Variants in RBM19 observed in about 807,000 individuals in gnomAD.
RBM19 encodes RNA binding motif protein 19.
Under a neutral mutation model 116.8 loss-of-function variants are expected in RBM19, and 94 were observed. The ratio of observed to expected loss-of-function variants is 0.80; its 90% CI spans 0.68 to 0.95. The LOEUF is 0.95. RBM19 is among the 40% of genes least tolerant of loss of function. The pLI, the probability that RBM19 is intolerant of heterozygous loss-of-function variation, is 0.00. For synonymous variants in RBM19, 475 were observed against 494.1 expected, an observed-to-expected ratio of 0.96 and a Z score of 0.51; for missense variants, 1,161 against 1,220.7, an observed-to-expected ratio of 0.95 and a Z score of 0.73.
intron 4 of RBM19, 138 bp from the exon 5 acceptor site, chr12:113,959,542 G>A (rs12422364): frequency 0.031 from 32,330 of 1,046,166 alleles, 1,389 homozygotes; most frequent in Admixed American, 0.18. Flanking sequence ...CCCATTCTCT[G>A]GAGGACCCCG....
chr12:113,824,610 G>A (rs1230024759), intron 23 of RBM19, among the ~76,000 whole-genome samples: 1 of 151,882 alleles, frequency 6.6e-6, no homozygotes, highest in Non-Finnish European at 1.5e-5. Context: ...CGCAGGCTGT[G>A]AGCTCCCTGG....
intron 21 of RBM19, among the ~76,000 whole-genome samples, chr12:113,875,168 T>C (rs1053215609): frequency 7.9e-5 from 12 of 152,194 alleles, no homozygotes; most frequent in African/African-American, 2.7e-4. Context: ...GAGCGAGTGA[T>C]TCATGCCGCA....
At chr12:113,916,970 C>G (rs1167580908) in intron 20 of RBM19, among the ~76,000 whole-genome samples, 1 of 152,248 alleles carries the variant, frequency 6.6e-6, no homozygotes, top group Non-Finnish European at 1.5e-5. Context: ...AAAACAGTTG[C>G]ACTTGCCATA....
Position 113,940,165 on chromosome 12 carries a change from A to G in RBM19, c.1738-5T>C. 3 of 1,611,490 alleles carry G rather than the reference A, an allele frequency of 1.9e-6. No homozygotes were observed. Among genetic ancestry groups the G allele is most frequent in the Non-Finnish European group, 2.5e-6 (3 of 1,178,316 alleles). ...CTTGCTTCGCTCTGCTGCAGCCTGC[A>G]AAGAGGAAATGCACACACATGGGAC... On this transcript the variant is annotated splice_polypyrimidine_tract_variant and splice_region_variant and intron_variant, in intron 14 of 23. Transcript: ENST00000261741.
At chr12:113,896,949 C>A (rs1213322591) in intron 21 of RBM19, among the ~76,000 whole-genome samples, 1 of 152,188 alleles carries the variant, frequency 6.6e-6, no homozygotes, top group Non-Finnish European at 1.5e-5. Flanking sequence ...GCAGTTTACA[C>A]CATCTCTGAC....
chr12:113,912,291 CCT>C (rs1257423382), intron 21 of RBM19, among the ~76,000 whole-genome samples: 1 of 152,256 alleles, frequency 6.6e-6, no homozygotes, highest in African/African-American at 2.4e-5. Context: ...CTGTCAGTTT[CCT>C]CTCTGGTCCC....
intron 19 of RBM19, 46 bp downstream of exon 19, chr12:113,920,565 C>A (rs1416272615): frequency 1.3e-6 from 2 of 1,547,162 alleles, no homozygotes; most frequent in African/African-American, 2.7e-5. Context: ...CCTCCCACTA[C>A]CTGCCAAGTG....
At chr12:113,831,814 C>T (rs538955174) in intron 23 of RBM19, among the ~76,000 whole-genome samples, 44 of 152,310 alleles carry the variant, frequency 2.9e-4, no homozygotes, top group African/African-American at 1.0e-3. Context: ...CACCGCCCAG[C>T]GAGGCTCAGG....
Position 113,946,474 on chromosome 12 carries a change from C to T in RBM19, c.1409G>A (p.Gly470Asp). The T allele has an allele frequency of 6.2e-7, 1 of 1,614,140 alleles. No homozygotes were observed. Among genetic ancestry groups the T allele is most frequent in the Non-Finnish European group, 8.5e-7 (1 of 1,180,004 alleles). Residue 470 changes from glycine (G) to aspartate (D), a missense_variant and splice_region_variant, in exon 12 of 24, where the codon GGC becomes GAC. Coordinates refer to ENST00000261741, the MANE Select transcript of RBM19 (RefSeq NM_016196.4). ...AGATGGTAACACGTGGAGCATCCTGCCCTGGATGGGAATGACGGGAAGGGA... is the reference window on the plus strand; with the variant it reads ...AGATGGTAACACGTGGAGCATCCTGTCCTGGATGGGAATGACGGGAAGGGA... Reference protein sequence around the residue: ...YSEVDGQVFQGRMLHVLPSTI... With the variant: ...YSEVDGQVFQDRMLHVLPSTI...
At chr12:113,959,753 C>A in intron 4 of RBM19, 112 bp downstream of exon 4, 1 of 1,307,758 alleles carries the variant, frequency 7.6e-7, no homozygotes, top group Non-Finnish European at 1.1e-6. Context: ...CCCTCTCCAG[C>A]CTCTACGGTC....
intron 21 of RBM19, among the ~76,000 whole-genome samples, chr12:113,872,414 C>CG (rs1185182603): frequency 1.4e-5 from 2 of 146,588 alleles, no homozygotes; most frequent in African/African-American, 2.5e-5. Flanking sequence ...GCCCTCCGCC[C>CG]GGCCAGCCGC....
At chr12:113,913,218 C>T (rs892442512) in intron 21 of RBM19, among the ~76,000 whole-genome samples, 3 of 152,160 alleles carry the variant, frequency 2.0e-5, no homozygotes, top group Admixed American at 6.5e-5. Flanking sequence ...GATCAACATG[C>T]GCTCTTCTTA....
intron 21 of RBM19, among the ~76,000 whole-genome samples, chr12:113,880,930 C>T (rs1459254474): frequency 6.6e-6 from 1 of 152,224 alleles, no homozygotes; most frequent in Non-Finnish European, 1.5e-5. Flanking sequence ...GAGGCTCTCT[C>T]TGCCTTGCCC....
chr12:113,965,253 G>A (rs944568156), intron 1 of RBM19, among the ~76,000 whole-genome samples: 3 of 149,020 alleles, frequency 2.0e-5, no homozygotes, highest in East Asian at 3.9e-4. Context: ...CCGCAGTCCA[G>A]CCTGGGAGAC....
rs374369142 is a variant in RBM19, at chr12:113,963,646, T to C, written c.37-1232A>G. Among the ~76,000 whole-genome samples the C allele has an allele frequency of 5.9e-5, 9 of 152,166 alleles. No homozygotes were observed. In the East Asian group the frequency reaches 1.5e-3, roughly 26 times the overall value. ...CAAGGTTTGTGACTCAATTCAGAAATATAAGACAGTGAATTCAATTCCTCA... is the reference window on the plus strand; with the variant it reads ...CAAGGTTTGTGACTCAATTCAGAAACATAAGACAGTGAATTCAATTCCTCA... On this transcript the variant is annotated intron_variant, in intron 1 of 23. Transcript: ENST00000261741.
chr12:113,823,141 G>C lies in RBM19; in HGVS notation c.*83C>G. The C allele has an allele frequency of 9.2e-5, 109 of 1,188,564 alleles. No individual in the cohort carries two copies. The highest frequency in any genetic ancestry group is 1.8e-4 in the East Asian group (7 of 38,790). The allele number at this position is 1,188,564 out of a possible 1,614,324, so 73.6% of individuals were successfully genotyped here. ...CTGCCGCTCCCCGCCCCGCCCCCCA[G>C]CCCACATGGTGGTGAGTGCAGAAGC... On this transcript the variant is annotated 3_prime_UTR_variant, in exon 24 of 24. Coordinates refer to ENST00000261741, the MANE Select transcript of RBM19 (RefSeq NM_016196.4).
chr12:113,906,752 C>T lies in RBM19; in HGVS notation c.2558+8217G>A, dbSNP rs1026066026. On this transcript the variant is annotated intron_variant, in intron 21 of 23. Coordinates refer to ENST00000261741, the MANE Select transcript of RBM19 (RefSeq NM_016196.4). ...GCTTGGAGGAGCCTTACCTAACTGC[C>T]CAGTCTAAGATTCCCTGTACTGGAT... is the stretch of plus-strand genomic sequence containing the variant. Among the ~76,000 whole-genome samples the T allele has an allele frequency of 3.3e-5, 5 of 151,804 alleles. No homozygotes were observed. The South Asian group carries it at 8.4e-4, about 25-fold the overall frequency.
At chr12:113,911,495 CCCTGGGTTCAAAT>C (rs754300249) in intron 21 of RBM19, among the ~76,000 whole-genome samples, 82 of 152,328 alleles carry the variant, frequency 5.4e-4, no homozygotes, top group Non-Finnish European at 1.1e-3. Context: ...CAGATTCAAA[CCCTGGGTTCAAAT>C]CCTGGCTCCA....
intron 21 of RBM19, among the ~76,000 whole-genome samples, chr12:113,874,857 C>T (rs1011085765): frequency 6.6e-6 from 1 of 152,252 alleles, no homozygotes; most frequent in Non-Finnish European, 1.5e-5. Context: ...TGGCCCTACA[C>T]AACGGCTGAA....
Sources: gnomAD v4.1 joint callset for allele counts (sites outside exome capture counted in the v4.1 genomes callset) on GRCh38, gnomAD v4.1.1 for gene constraint, MANE v1.5 for transcripts, NCBI Gene and HGNC (gene_info 2026-07-23, HGNC 2026-07-21) for gene names.